MYO3B: variants seen among roughly 807,000 people sequenced by gnomAD.
MYO3B encodes myosin IIIB.
A neutral mutation model predicts 174.6 loss-of-function variants in MYO3B; 156 were observed. That is an observed-to-expected ratio of 0.89 (90% confidence interval 0.78 to 1.02). The LOEUF (loss-of-function observed/expected upper bound fraction) is 1.02, where lower values mean the gene tolerates loss of function less well. Ranked by LOEUF, MYO3B falls within the 50% of genes least tolerant of loss-of-function variation. The probability of loss-of-function intolerance (pLI) is 0.00; values close to 1 mark genes in which losing one functional copy is unlikely to be tolerated. For missense variants in MYO3B, 1,632 were observed against 1,639.4 expected (o/e 1.00, Z 0.08); for synonymous variants, 563 against 569.1 (o/e 0.99, Z 0.15).
chr2:170,615,880 G>A (rs1358615129), intron 32 of MYO3B, among the ~76,000 whole-genome samples: 5 of 152,144 alleles, frequency 3.3e-5, no homozygotes, highest in Non-Finnish European at 2.9e-5. Context: ...GGGATTTAGG[G>A]TCATTTGATT....
chr2:170,359,048 CAG>C (rs1218297020), intron 8 of MYO3B, among the ~76,000 whole-genome samples: 1 of 152,088 alleles, frequency 6.6e-6, no homozygotes, highest in Non-Finnish European at 1.5e-5. Context: ...GGCAATGAAA[CAG>C]AATGTTTCAA....
intron 24 of MYO3B, among the ~76,000 whole-genome samples, chr2:170,465,686 C>A (rs536068488): frequency 6.6e-6 from 1 of 152,296 alleles, no homozygotes; most frequent in South Asian, 2.1e-4. Flanking sequence ...CAGAAATATA[C>A]CCATACAACC....
intron 7 of MYO3B, among the ~76,000 whole-genome samples, chr2:170,283,011 G>C (rs2093525010): frequency 6.6e-6 from 1 of 152,142 alleles, no homozygotes; most frequent in Non-Finnish European, 1.5e-5. Flanking sequence ...TGGACTCAGG[G>C]GGATGCCAGT....
chr2:170,569,770 G>T (rs1692316239), intron 32 of MYO3B, among the ~76,000 whole-genome samples: 1 of 150,942 alleles, frequency 6.6e-6, no homozygotes, highest in Non-Finnish European at 1.5e-5. Context: ...GCTGAGACAG[G>T]AGAATCACTT....
At chr2:170,275,056 T>C (rs1284893526) in intron 7 of MYO3B, among the ~76,000 whole-genome samples, 1 of 152,140 alleles carries the variant, frequency 6.6e-6, no homozygotes, top group East Asian at 1.9e-4. Context: ...AAAAGCAAAA[T>C]ATTATGTTCA....
intron 5 of MYO3B, among the ~76,000 whole-genome samples, chr2:170,215,575 ATATT>A (rs2092819006): frequency 6.6e-6 from 1 of 152,004 alleles, no homozygotes; most frequent in Non-Finnish European, 1.5e-5. Context: ...TTTTAAAAGA[ATATT>A]TATTGTCTTA....
chr2:170,471,193 G>A (rs1217461975), intron 25 of MYO3B, among the ~76,000 whole-genome samples: 1 of 151,954 alleles, frequency 6.6e-6, no homozygotes, highest in East Asian at 1.9e-4. Flanking sequence ...GGGATTACAG[G>A]CATCTGCCAC....
At chr2:170,431,187 A>G (rs187817707) in intron 22 of MYO3B, among the ~76,000 whole-genome samples, 54 of 152,310 alleles carry the variant, frequency 3.5e-4, no homozygotes, top group Admixed American at 2.1e-3. Context: ...ACATCAGGCC[A>G]TGTGACAGCC....
chr2:170,210,505 G>A (rs1016635718), intron 3 of MYO3B, among the ~76,000 whole-genome samples: 1 of 152,172 alleles, frequency 6.6e-6, no homozygotes, highest in African/African-American at 2.4e-5. Context: ...AACCTGGTAA[G>A]TTGTTTTAAT....
chr2:170,208,985 C>G (rs2092743441), intron 3 of MYO3B, among the ~76,000 whole-genome samples: 1 of 152,186 alleles, frequency 6.6e-6, no homozygotes, highest in African/African-American at 2.4e-5. Context: ...AAACTTAGAG[C>G]TCCTGGTCCT....
Position 170,337,584 on chromosome 2 carries a change from C to T in MYO3B, c.815+2134C>T, listed in dbSNP as rs74486066. 5.2e-3 allele frequency among the ~76,000 whole-genome samples: 785 copies of T among 152,204 alleles called. 9 individuals are homozygous for T. The highest frequency in any genetic ancestry group is 0.038 in the East Asian group (198 of 5,158). On this transcript the variant is annotated intron_variant, in intron 8 of 34. Transcript: ENST00000408978. ...ATGACAGAGATTGGACTGTACACAA[C>T]GCAGTTGACTCTTAAACAATGCAGC...
intron 32 of MYO3B, among the ~76,000 whole-genome samples, chr2:170,594,825 GCGCACA>G (rs776108282): frequency 7.5e-6 from 1 of 132,640 alleles, no homozygotes; most frequent in Admixed American, 7.2e-5. Context: ...TTCCCAGCGC[GCGCACA>G]CACACACACA....
At chr2:170,558,488 C>T (rs1691496061) in intron 32 of MYO3B, among the ~76,000 whole-genome samples, 1 of 152,100 alleles carries the variant, frequency 6.6e-6, no homozygotes, top group Non-Finnish European at 1.5e-5. Context: ...ATATGTGTCT[C>T]TAAATATTAT....
intron 3 of MYO3B, among the ~76,000 whole-genome samples, chr2:170,211,144 C>T (rs2092765859): frequency 6.6e-6 from 1 of 152,128 alleles, no homozygotes; most frequent in Non-Finnish European, 1.5e-5. Context: ...CGGAGTGGTG[C>T]CTTGTCTGTT....
intron 22 of MYO3B, among the ~76,000 whole-genome samples, chr2:170,442,467 C>A (rs991764232): frequency 6.7e-6 from 1 of 148,414 alleles, no homozygotes; most frequent in Non-Finnish European, 1.5e-5. Context: ...AATTGATTGT[C>A]CCTCTTCTTG....
intron 7 of MYO3B, among the ~76,000 whole-genome samples, chr2:170,244,202 C>A (rs61213083): frequency 0.013 from 2,008 of 152,234 alleles, 40 homozygotes; most frequent in African/African-American, 0.045. Flanking sequence ...GTCCTTTTAG[C>A]CCCCTTAGTA....
chr2:170,642,464 C>T (rs1160163691), intron 32 of MYO3B, among the ~76,000 whole-genome samples: 1 of 152,134 alleles, frequency 6.6e-6, no homozygotes, highest in African/African-American at 2.4e-5. Flanking sequence ...TCTTAAAAAG[C>T]AGGATCTGAA....
chr2:170,447,887 C>A (rs781520529), intron 23 of MYO3B, among the ~76,000 whole-genome samples: 1 of 152,160 alleles, frequency 6.6e-6, no homozygotes, highest in African/African-American at 2.4e-5. Flanking sequence ...TGAAGCTGTC[C>A]TCTGGGGCTG....
intron 20 of MYO3B, among the ~76,000 whole-genome samples, chr2:170,405,047 G>A (rs1281772480): frequency 6.6e-6 from 1 of 152,190 alleles, no homozygotes; most frequent in Non-Finnish European, 1.5e-5. Context: ...GTGCTTAGCA[G>A]TTTCTCATAC....
Sources: allele counts gnomAD v4.1 joint callset (sites outside exome capture counted in the v4.1 genomes callset), GRCh38; gene constraint gnomAD v4.1.1; transcripts MANE v1.5; gene names NCBI Gene and HGNC (gene_info 2026-07-23, HGNC 2026-07-21).